PLS1: variants seen among roughly 807,000 people sequenced by gnomAD.
PLS1 encodes plastin 1, also known as plastin-1.
A neutral mutation model predicts 73.7 loss-of-function variants in PLS1; 32 were observed. The ratio of observed to expected loss-of-function variants is 0.43; its 90% CI spans 0.33 to 0.58. The LOEUF is 0.58. Ranked by LOEUF, PLS1 falls within the 20% of genes least tolerant of loss-of-function variation. PLS1 has a pLI of 0.04. For missense variants in PLS1, 633 were observed against 740.5 expected (o/e 0.85, Z 1.68); for synonymous variants, 217 against 261.3 (o/e 0.83, Z 1.63).
intron 1 of PLS1, among the ~76,000 whole-genome samples, chr3:142,659,707 G>A (rs1037329781): frequency 8.1e-4 from 108 of 132,762 alleles, no homozygotes; most frequent in African/African-American, 2.9e-3. Flanking sequence ...GTTTTGTTTT[G>A]TTTTTTGAGA....
At position 142,645,671 on chromosome 3, in the gene PLS1, T is replaced by G. The variant is rs2036938425; in HGVS notation, c.-36-18531T>G. The G allele has an allele frequency of 2.0e-5, 3 of 152,216 alleles. No individual in the cohort carries two copies. In the South Asian group the frequency reaches 6.2e-4, roughly 32 times the overall value. 9.4% of individuals were successfully genotyped at this position (152,216 alleles called of 1,614,324 possible). On this transcript the variant is annotated intron_variant, in intron 1 of 15. Coordinates refer to ENST00000457734, the MANE Select transcript of PLS1 (RefSeq NM_001145319.2). ...TTAGTGTTGGTCTTGAGGCATTCAT[T>G]CTGAATGAGATATTTGTCATTATGG...
chr3:142,651,942 C>A (rs893786843), intron 1 of PLS1, among the ~76,000 whole-genome samples: 18 of 152,220 alleles, frequency 1.2e-4, no homozygotes, highest in African/African-American at 4.3e-4. Flanking sequence ...CCCTACCAGG[C>A]CTGAATCACA....
chr3:142,625,744 C>T (rs1194736645), intron 1 of PLS1, among the ~76,000 whole-genome samples: 1 of 151,998 alleles, frequency 6.6e-6, no homozygotes, highest in Non-Finnish European at 1.5e-5. Context: ...GGAGCTGAGG[C>T]GGGTGGATTG....
At chr3:142,602,967 AC>A (rs1475523976) in intron 1 of PLS1, among the ~76,000 whole-genome samples, 1 of 152,168 alleles carries the variant, frequency 6.6e-6, no homozygotes, top group Admixed American at 6.5e-5. Flanking sequence ...GGCTGAGGCC[AC>A]CTCTGGCCCT....
chr3:142,601,051 G>T (rs1373997051), intron 1 of PLS1, among the ~76,000 whole-genome samples: 1 of 142,686 alleles, frequency 7.0e-6, no homozygotes, highest in Non-Finnish European at 1.5e-5. Context: ...AGCCTCCCGA[G>T]TAGCTGGGAC....
intron 12 of PLS1, among the ~76,000 whole-genome samples, chr3:142,703,289 ATTTTTTTT>A (rs56392615): frequency 5.7e-5 from 6 of 105,070 alleles, no homozygotes; most frequent in Admixed American, 1.1e-4. Context: ...ATAGTCAAGA[ATTTTTTTT>A]TTTTTTTTTT....
intron 1 of PLS1, among the ~76,000 whole-genome samples, chr3:142,643,895 T>C (rs1356010718): frequency 6.6e-6 from 1 of 150,908 alleles, no homozygotes; most frequent in Non-Finnish European, 1.5e-5. Context: ...AGTGGCATGA[T>C]TTTGGCTCAC....
At chr3:142,679,831 G>A (rs867595734) in intron 6 of PLS1, among the ~76,000 whole-genome samples, 6 of 152,250 alleles carry the variant, frequency 3.9e-5, no homozygotes, top group Non-Finnish European at 7.4e-5. Context: ...GTAGCTTGAC[G>A]GGGATGGCAT....
intron 4 of PLS1, among the ~76,000 whole-genome samples, chr3:142,675,538 A>G (rs1053641293): frequency 1.3e-5 from 2 of 152,014 alleles, no homozygotes; most frequent in Non-Finnish European, 1.5e-5. Flanking sequence ...CCACGCCACC[A>G]TGCCCAGCTA....
chr3:142,670,334 A>G (rs1341803079), intron 3 of PLS1, among the ~76,000 whole-genome samples: 1 of 152,212 alleles, frequency 6.6e-6, no homozygotes, highest in East Asian at 1.9e-4. Context: ...TGGAGCTGAG[A>G]TGGTAAGGGT....
intron 1 of PLS1, among the ~76,000 whole-genome samples, chr3:142,617,686 T>G (rs964741073): frequency 2.0e-5 from 3 of 152,114 alleles, no homozygotes; most frequent in African/African-American, 2.4e-5. Context: ...AATGAAAAAC[T>G]ACTACACCTG....
intron 1 of PLS1, among the ~76,000 whole-genome samples, chr3:142,633,993 AC>A (rs1429927435): frequency 1.3e-5 from 2 of 152,344 alleles, no homozygotes; most frequent in East Asian, 3.9e-4. Flanking sequence ...ATTTTAAGAG[AC>A]CGAATTCAAA....
chr3:142,667,084 G>A (rs889027437), intron 2 of PLS1, among the ~76,000 whole-genome samples: 49 of 152,096 alleles, frequency 3.2e-4, no homozygotes, highest in African/African-American at 1.1e-3. Context: ...CCTTTAAAAT[G>A]GGAATGACAT....
chr3:142,703,754 A>G (rs752751638), intron 12 of PLS1, 114 bp from the exon 13 acceptor site: 6 of 621,456 alleles, frequency 9.7e-6, no homozygotes, highest in African/African-American at 1.8e-5. Flanking sequence ...GAAATTGGTC[A>G]TATAAATTTA....
intron 12 of PLS1, among the ~76,000 whole-genome samples, chr3:142,703,398 C>T (rs865918894): frequency 4.0e-5 from 6 of 150,000 alleles, no homozygotes; most frequent in South Asian, 2.1e-4. Flanking sequence ...CAGGTTCAAG[C>T]GATTCTCCTG....
intron 1 of PLS1, among the ~76,000 whole-genome samples, chr3:142,638,468 C>T (rs1041489751): frequency 1.3e-5 from 2 of 152,184 alleles, no homozygotes; most frequent in Non-Finnish European, 2.9e-5. Context: ...ACAACAGTGA[C>T]ACTTCAGTGT....
intron 11 of PLS1, 69 bp downstream of exon 11, chr3:142,694,616 G>A (rs1035344684): frequency 2.4e-6 from 2 of 830,888 alleles, no homozygotes; most frequent in Admixed American, 4.6e-5. Flanking sequence ...CTGTAGGCAT[G>A]TTTAAATGGA....
At position 142,634,570 on chromosome 3, in the gene PLS1, A is replaced by T. The variant is rs369976514; in HGVS notation, c.-36-29632A>T. ...TTTTGCCCGCGATGGTGTAGTATAG[A>T]TAAGATAGTGGAGGAACATTATTAA... On this transcript the variant is annotated intron_variant, in intron 1 of 15. Transcript: ENST00000457734. Among the ~76,000 whole-genome samples the T allele has an allele frequency of 6.6e-5, 10 of 152,318 alleles. No individual in the cohort carries two copies. In the South Asian group the frequency reaches 1.2e-3, roughly 19 times the overall value.
At chr3:142,645,569 A>G (rs1476401814) in intron 1 of PLS1, 2 of 152,216 alleles carry the variant, frequency 1.3e-5, no homozygotes, top group Non-Finnish European at 2.9e-5. Context: ...AAAGAGGATT[A>G]CAAACCAGGA....
Sources: gnomAD v4.1 joint callset for allele counts (sites outside exome capture counted in the v4.1 genomes callset) on GRCh38, gnomAD v4.1.1 for gene constraint, MANE v1.5 for transcripts, NCBI Gene and HGNC (gene_info 2026-07-23, HGNC 2026-07-21) for gene names.